Variants in CALHM6 observed in about 807,000 individuals in gnomAD.
The protein encoded by CALHM6 is calcium homeostasis modulator protein 6.
In CALHM6, 15 loss-of-function variants were observed where a neutral mutation model predicts 12.7. That is an observed-to-expected ratio of 1.18 (90% confidence interval 0.79 to 1.82). CALHM6 has a LOEUF of 1.82. Ranked by LOEUF, CALHM6 falls within the 40% of genes most tolerant of loss-of-function variation. The pLI, the probability that CALHM6 is intolerant of heterozygous loss-of-function variation, is 0.00. For missense variants in CALHM6, 434 were observed against 421.0 expected, an observed-to-expected ratio of 1.03 and a Z score of -0.27; for synonymous variants, 212 against 193.7, an observed-to-expected ratio of 1.09 and a Z score of -0.78.
intron 1 of CALHM6, among the ~76,000 whole-genome samples, 189 bp from the exon 2 acceptor site, chr6:116,461,683 G>T (rs920357730): frequency 6.6e-6 from 1 of 151,492 alleles, no homozygotes; most frequent in Admixed American, 6.6e-5. Context: ...GGGTGCCAGA[G>T]AAGTCAAGGT....
Position 116,461,961 on chromosome 6 carries a change from A to C in CALHM6, c.32A>C (p.His11Pro). The C allele has an allele frequency of 6.5e-7, 1 of 1,542,134 alleles. No homozygotes were observed. MEKFRAVLDL[H>P]VKHHSALGYG... ...AAGTTTCGGGCGGTGCTGGACCTGC[A>C]CGTCAAGCACCACAGCGCCTTGGGC... The change falls in exon 2 of 3, where the codon CAC becomes CCC. Residue 11 changes from histidine to proline, a missense_variant. By Grantham distance (77) the His-to-Pro change is moderately conservative (BLOSUM62 -2). Coordinates refer to ENST00000368605, the MANE Select transcript of CALHM6 (RefSeq NM_001010919.3).
In CALHM6 at chr6:116,462,017, G is replaced by C. The variant is rs1298066816; in HGVS notation, c.88G>C (p.Gly30Arg). The part of the protein sequence containing the change: ...YGLVTLLTAG[G>R]ERIFSAVAFQ... Reference sequence around the variant, plus strand: ...CCTGGTGACCCTGCTGACGGCGGGCGGGGAGCGCATCTTCTCCGCCGTGGC... The same window carrying C: ...CCTGGTGACCCTGCTGACGGCGGGCCGGGAGCGCATCTTCTCCGCCGTGGC... Residue 30 changes from glycine to arginine, a missense_variant, in exon 2 of 3, where the codon GGG (glycine) becomes CGG (arginine). Coordinates refer to ENST00000368605, the MANE Select transcript of CALHM6 (RefSeq NM_001010919.3). 1 of 1,548,530 alleles carries C rather than the reference G, an allele frequency of 6.5e-7. No homozygotes were observed. The highest frequency in any genetic ancestry group is 1.2e-5 in the South Asian group (1 of 83,898).
At position 116,462,378 on chromosome 6, in the gene CALHM6, T is replaced by G. The variant is rs1222043821; in HGVS notation, c.449T>G (p.Leu150Arg). The change falls in exon 2 of 3, where the codon CTG becomes CGG. Residue 150 changes from leucine to arginine, a missense_variant. Coordinates refer to ENST00000368605, the MANE Select transcript of CALHM6 (RefSeq NM_001010919.3). ...CGCAACCGCAGCTGCGCCGCGGAGCTGCCGCTGGTGCCGTGCAACCAGGCC... is the reference window on the plus strand; with the variant it reads ...CGCAACCGCAGCTGCGCCGCGGAGCGGCCGCTGGTGCCGTGCAACCAGGCC... ...LGRNRSCAAE[L>R]PLVPCNQAKA... 6.2e-6 allele frequency: 9 copies of G among 1,460,034 alleles called. No individual in the cohort carries two copies. The East Asian group carries it at 2.7e-4, about 43-fold the overall frequency. The allele number at this position is 1,460,034 out of a possible 1,614,324, so 90.4% of individuals were successfully genotyped here.
rs377433977 is a variant in CALHM6 at position 116,463,706 on chromosome 6, C to A, written c.*1C>A. ...TATAAACAGCACTCCTGAGTTATGA[C>A]CTTTTGAATGAGTAGAAAAAAAAAT... On this transcript the variant is annotated 3_prime_UTR_variant, in exon 3 of 3. Transcript: ENST00000368605. The A allele has an allele frequency of 1.4e-5, 21 of 1,516,016 alleles. No individual in the cohort carries two copies. Among genetic ancestry groups the A allele is most frequent in the Non-Finnish European group, 8.8e-6 (10 of 1,130,742 alleles). 93.9% of individuals were successfully genotyped at this position (1,516,016 alleles called of 1,614,324 possible). A position where few individuals can be genotyped will look rare whatever the true frequency, so the allele number is the denominator to read the frequency against.
At position 116,463,441 on chromosome 6, in the gene CALHM6, T is replaced by C. The variant is rs759373200; in HGVS notation, c.684T>C (p.His228=). 6.2e-7 allele frequency: 1 copy of C among 1,614,172 alleles called. No homozygotes were observed. Among genetic ancestry groups the C allele is most frequent in the Admixed American group, 1.7e-5 (1 of 60,016 alleles). ...TCCTTAAAAGTAAAGCCACAGAGCA[T>C]GCAACTGAATTGGCAAAAGAGAATA... is the stretch of plus-strand genomic sequence containing the variant. The part of the protein sequence containing the change: ...QQILKSKATE[H]ATELAKENIK... The change falls in exon 3 of 3, where the codon CAT becomes CAC. Residue 228 remains histidine (H), a synonymous_variant. Transcript: ENST00000368605.
At chr6:116,461,633 G>C (rs953404429) in intron 1 of CALHM6, among the ~76,000 whole-genome samples, 2 of 151,836 alleles carry the variant, frequency 1.3e-5, no homozygotes, top group Non-Finnish European at 2.9e-5. Flanking sequence ...CCTGAATTGG[G>C]GGAGGAAGAT....
At chr6:116,462,611 A>G (rs973119944) in intron 2 of CALHM6, 157 bp downstream of exon 2, 6 of 510,312 alleles carry the variant, frequency 1.2e-5, no homozygotes, top group Non-Finnish European at 1.7e-5. Flanking sequence ...CGTCAAGAGA[A>G]TATCTGAATA....
In CALHM6 at chr6:116,462,020, G is replaced by C; in HGVS notation, c.91G>C (p.Glu31Gln). Reference protein sequence around the residue: ...GLVTLLTAGGERIFSAVAFQC... With the variant: ...GLVTLLTAGGQRIFSAVAFQC... ...GGTGACCCTGCTGACGGCGGGCGGG[G>C]AGCGCATCTTCTCCGCCGTGGCATT... is the stretch of plus-strand genomic sequence containing the variant. The change falls in exon 2 of 3, where the codon GAG becomes CAG. Residue 31 changes from glutamate to glutamine, a missense_variant. Transcript: ENST00000368605. 1.3e-6 allele frequency: 2 copies of C among 1,548,774 alleles called. No homozygotes were observed. Among genetic ancestry groups the C allele is most frequent in the Non-Finnish European group, 1.7e-6 (2 of 1,146,234 alleles).
chr6:116,461,579 G>C, intron 1 of CALHM6, 150 bp downstream of exon 1: 1 of 785,566 alleles, frequency 1.3e-6, no homozygotes, highest in South Asian at 1.6e-5. Context: ...TTCGTTGTCA[G>C]ATTGGTGGTA....
chr6:116,463,142 T>G (rs547245683), intron 2 of CALHM6, 141 bp from the exon 3 acceptor site: 1 of 800,772 alleles, frequency 1.2e-6, no homozygotes, highest in South Asian at 1.8e-5. Flanking sequence ...CTGCGACACC[T>G]TACTCTTAAG....
At chr6:116,462,573 C>G (rs1784803497) in intron 2 of CALHM6, 119 bp downstream of exon 2, 1 of 590,956 alleles carries the variant, frequency 1.7e-6, no homozygotes, top group East Asian at 3.5e-5. Flanking sequence ...CTAAGAAAAT[C>G]TAGAATGGCT....
rs1015789904 is a variant in CALHM6 at position 116,461,960 on chromosome 6, C to A, written c.31C>A (p.His11Asn). The A allele has an allele frequency of 6.5e-7, 1 of 1,541,480 alleles. No individual in the cohort carries two copies. Among genetic ancestry groups the A allele is most frequent in the African/African-American group, 1.4e-5 (1 of 72,628 alleles). The change falls in exon 2 of 3, where the codon CAC (histidine) becomes AAC (asparagine). Residue 11 changes from histidine (H) to asparagine (N), a missense_variant. Coordinates refer to ENST00000368605, the MANE Select transcript of CALHM6 (RefSeq NM_001010919.3). Reference protein sequence around the residue: MEKFRAVLDLHVKHHSALGYG... With the variant: MEKFRAVLDLNVKHHSALGYG... ...GAAGTTTCGGGCGGTGCTGGACCTG[C>A]ACGTCAAGCACCACAGCGCCTTGGG...
At position 116,462,217 on chromosome 6, in the gene CALHM6, C is replaced by T. The variant is rs1371935808; in HGVS notation, c.288C>T (p.Ser96=). ...GTTGCGGATCGGCGCTGCGCGGCTCCCTGGTGTGCACGCAAATCAGCGCGG... is the reference window on the plus strand; with the variant it reads ...GTTGCGGATCGGCGCTGCGCGGCTCTCTGGTGTGCACGCAAATCAGCGCGG... ...RASCGSALRG[S]LVCTQISAAA... is the part of the protein sequence containing the mutation. The change falls in exon 2 of 3, where the codon TCC becomes TCT. Residue 96 remains serine, a synonymous_variant. Coordinates refer to ENST00000368605, the MANE Select transcript of CALHM6 (RefSeq NM_001010919.3). 5 of 1,438,138 alleles carry T rather than the reference C, an allele frequency of 3.5e-6. No homozygotes were observed. The highest frequency in any genetic ancestry group is 2.8e-5 in the South Asian group (2 of 71,296). The allele number at this position is 1,438,138 out of a possible 1,614,324, so 89.1% of individuals were successfully genotyped here.
At position 116,462,225 on chromosome 6, in the gene CALHM6, G is replaced by A; in HGVS notation, c.296G>A (p.Cys99Tyr). ...CGSALRGSLV[C>Y]TQISAAAALA... ...TCGGCGCTGCGCGGCTCCCTGGTGT[G>A]CACGCAAATCAGCGCGGCCGCCGCG... The change falls in exon 2 of 3, where the codon TGC (cysteine) becomes TAC (tyrosine). Residue 99 changes from cysteine to tyrosine, a missense_variant. Cys to Tyr is a radical substitution (Grantham distance 194). Transcript: ENST00000368605. The A allele has an allele frequency of 1.4e-6, 2 of 1,415,662 alleles. No homozygotes were observed. Among genetic ancestry groups the A allele is most frequent in the Non-Finnish European group, 9.2e-7 (1 of 1,090,406 alleles). The allele number at this position is 1,415,662 out of a possible 1,614,324, so 87.7% of individuals were successfully genotyped here.
Position 116,462,243 on chromosome 6 carries a change from C to T in CALHM6, c.314C>T (p.Ala105Val). 1 of 1,370,756 alleles carries T rather than the reference C, an allele frequency of 7.3e-7. No homozygotes were observed. Among genetic ancestry groups the T allele is most frequent in the Non-Finnish European group, 9.4e-7 (1 of 1,067,198 alleles). The allele number at this position is 1,370,756 out of a possible 1,614,324, so 84.9% of individuals were successfully genotyped here. A position where few individuals can be genotyped will look rare whatever the true frequency, so the allele number is the denominator to read the frequency against. ...CTGGTGTGCACGCAAATCAGCGCGG[C>T]CGCCGCGCTCGCGCCCCTCACCTGG... Reference protein sequence around the residue: ...GSLVCTQISAAAALAPLTWVA... With the variant: ...GSLVCTQISAVAALAPLTWVA... Residue 105 changes from alanine to valine, a missense_variant, in exon 2 of 3, where the codon GCC becomes GTC. Coordinates refer to ENST00000368605, the MANE Select transcript of CALHM6 (RefSeq NM_001010919.3).
chr6:116,463,298 T>G lies in CALHM6; in HGVS notation c.541T>G (p.Leu181Val). Residue 181 changes from leucine (L) to valine (V), a missense_variant, in exon 3 of 3, where the codon TTG becomes GTG. Physicochemically the swap from Leu to Val is conservative, Grantham distance 32 (BLOSUM62 1). Transcript: ENST00000368605. ...KAQSQVLGWI[L>V]IAVVIIILLI... ...TTTTCTTAAGGTGTTGGGCTGGATC[T>G]TGATAGCAGTTGTTATCATCATTCT... 1 of 1,611,940 alleles carries G rather than the reference T, an allele frequency of 6.2e-7. No individual in the cohort carries two copies. The highest frequency in any genetic ancestry group is 8.5e-7 in the Non-Finnish European group (1 of 1,178,514).
At position 116,462,095 on chromosome 6, in the gene CALHM6, T is replaced by C. The variant is rs1293175532; in HGVS notation, c.166T>C (p.Leu56=). ...GAACCTGCCCTACGGCCTGGTCTTC[T>C]TGCTGGTGCCGGCGCTCGCGCTCTT... ...AWNLPYGLVF[L]LVPALALFLL... is the part of the protein sequence containing the mutation. Residue 56 remains leucine (L), a synonymous_variant, in exon 2 of 3, where the codon TTG becomes CTG. Coordinates refer to ENST00000368605, the MANE Select transcript of CALHM6 (RefSeq NM_001010919.3). The C allele has an allele frequency of 2.6e-6, 4 of 1,544,788 alleles. No homozygotes were observed. Among genetic ancestry groups the C allele is most frequent in the Admixed American group, 2.0e-5 (1 of 50,972 alleles).
At position 116,463,631 on chromosome 6, in the gene CALHM6, A is replaced by G. The variant is rs749000390; in HGVS notation, c.874A>G (p.Thr292Ala). 1.9e-6 allele frequency: 3 copies of G among 1,614,152 alleles called. No individual in the cohort carries two copies. Among genetic ancestry groups the G allele is most frequent in the Admixed American group, 1.7e-5 (1 of 60,028 alleles). Reference protein sequence around the residue: ...RKEKTHSIRSTEGDTVIPVLG... With the variant: ...RKEKTHSIRSAEGDTVIPVLG... ...AGAGAAGACTCACAGTATCAGGTCTACTGAAGGAGATACGGTGATTCCTGT... is the reference window on the plus strand; with the variant it reads ...AGAGAAGACTCACAGTATCAGGTCTGCTGAAGGAGATACGGTGATTCCTGT... The change falls in exon 3 of 3, where the codon ACT (threonine) becomes GCT (alanine). Residue 292 changes from threonine to alanine, a missense_variant. Transcript: ENST00000368605.
Position 116,461,396 on chromosome 6 carries a change from G to A in CALHM6, c.-92G>A, listed in dbSNP as rs1052956277. The A allele has an allele frequency of 3.1e-5, 48 of 1,550,196 alleles. No homozygotes were observed. The highest frequency in any genetic ancestry group is 3.9e-5 in the Non-Finnish European group (45 of 1,146,752). On this transcript the variant is annotated 5_prime_UTR_variant, in exon 1 of 3. Coordinates refer to ENST00000368605, the MANE Select transcript of CALHM6 (RefSeq NM_001010919.3). The stretch of plus-strand genomic sequence containing the variant: ...CTTTGCTGATTTAGCTTATGGAAGA[G>A]GAACCAGAAATTTGTCCTTGAATAA...
Sources: gnomAD v4.1 joint callset for allele counts (sites outside exome capture counted in the v4.1 genomes callset) on GRCh38, gnomAD v4.1.1 for gene constraint, MANE v1.5 for transcripts, NCBI Gene and HGNC (gene_info 2026-07-23, HGNC 2026-07-21) for gene names.